ATE1: variants seen among roughly 807,000 people sequenced by gnomAD.
The protein encoded by ATE1 is arginyl-tRNA--protein transferase 1.
A neutral mutation model predicts 70.5 loss-of-function variants in ATE1; 36 were observed. That is an observed-to-expected ratio of 0.51 (90% CI 0.39 to 0.67). The LOEUF (loss-of-function observed/expected upper bound fraction) is 0.67, where lower values mean the gene tolerates loss of function less well. Among genes scored for constraint, ATE1 ranks in the 30% least tolerant of loss-of-function variants. The probability of loss-of-function intolerance (pLI) is 0.00; values close to 1 mark genes in which losing one functional copy is unlikely to be tolerated. For missense variants in ATE1, 593 were observed against 629.5 expected, an observed-to-expected ratio of 0.94 and a Z score of 0.62; for synonymous variants, 232 against 219.3, an observed-to-expected ratio of 1.06 and a Z score of -0.51.
chr10:121,787,889 A>G (rs1249584239), intron 11 of ATE1, among the ~76,000 whole-genome samples: 1 of 152,218 alleles, frequency 6.6e-6, no homozygotes, highest in Non-Finnish European at 1.5e-5. Context: ...TAAAAGGAGA[A>G]TTTGTTTAGT....
rs571133175 is a variant in ATE1, at chr10:121,908,623, T to C, written c.583+2283A>G. On this transcript the variant is annotated intron_variant, in intron 5 of 11. Coordinates refer to ENST00000224652, the MANE Select transcript of ATE1 (RefSeq NM_001001976.3). ...GGAAACGAAGAAATGATAGAGTATCTAATACATGAATTTAAGCATGGAACA... is the reference window on the plus strand; with the variant it reads ...GGAAACGAAGAAATGATAGAGTATCCAATACATGAATTTAAGCATGGAACA... Among the ~76,000 whole-genome samples, 13 of 152,300 alleles carry C rather than the reference T, an allele frequency of 8.5e-5. 1 individual carries two copies. The highest frequency in any genetic ancestry group is 3.1e-4 in the African/African-American group (13 of 41,556).
intron 6 of ATE1, among the ~76,000 whole-genome samples, chr10:121,902,169 T>C (rs1273284436): frequency 2.0e-5 from 3 of 152,182 alleles, no homozygotes; most frequent in East Asian, 1.9e-4. Flanking sequence ...TGGCCAACTA[T>C]GTATTCTCAA....
At chr10:121,900,142 T>A in intron 6 of ATE1, 148 bp from the exon 7 acceptor site, 2 of 861,118 alleles carry the variant, frequency 2.3e-6, no homozygotes, top group Non-Finnish European at 3.4e-6. Flanking sequence ...ACCAACCAGT[T>A]AGTAAATAAA....
At chr10:121,855,409 A>G (rs1949210471) in intron 8 of ATE1, among the ~76,000 whole-genome samples, 1 of 152,190 alleles carries the variant, frequency 6.6e-6, no homozygotes. Context: ...CTGGTTTGTT[A>G]GTCCTTTTGT....
At chr10:121,919,671 T>G (rs1015413274) in intron 3 of ATE1, among the ~76,000 whole-genome samples, 6 of 151,240 alleles carry the variant, frequency 4.0e-5, no homozygotes. Context: ...ATCCCAGCAC[T>G]TTGAGGTGGG....
intron 10 of ATE1, among the ~76,000 whole-genome samples, chr10:121,832,161 C>A (rs1204640875): frequency 3.3e-5 from 5 of 152,200 alleles, no homozygotes; most frequent in African/African-American, 1.2e-4. Flanking sequence ...TTTCTGATCT[C>A]TGTGGCCTAG....
rs147245075 is a variant in ATE1, at chr10:121,872,682, T to C, written c.943-2644A>G. ...CAATTGAAAGCAGAAATAGATTCCT[T>C]AACAAACACTATCATGATGTCTGAT... On this transcript the variant is annotated intron_variant, in intron 7 of 11. Transcript: ENST00000224652. 7.1e-3 allele frequency among the ~76,000 whole-genome samples: 1,077 copies of C among 152,074 alleles called. 25 individuals carry two copies. The highest frequency in any genetic ancestry group is 0.025 in the African/African-American group (1,019 of 41,518).
intron 3 of ATE1, among the ~76,000 whole-genome samples, chr10:121,917,416 G>A (rs1002000667): frequency 6.6e-6 from 1 of 152,100 alleles, no homozygotes; most frequent in Non-Finnish European, 1.5e-5. Flanking sequence ...GCAAAAACTT[G>A]TGCAGGAAAA....
intron 11 of ATE1, among the ~76,000 whole-genome samples, chr10:121,755,077 C>T (rs758636113): frequency 5.3e-5 from 8 of 152,082 alleles, no homozygotes; most frequent in African/African-American, 2.4e-5. Flanking sequence ...AAAGACACAA[C>T]AATAAATGTA....
chr10:121,922,361 T>A lies in ATE1; in HGVS notation c.221A>T (p.Gln74Leu), dbSNP rs1234353683. 6.3e-7 allele frequency: 1 copy of A among 1,595,484 alleles called. No individual in the cohort carries two copies. The highest frequency in any genetic ancestry group is 1.1e-5 in the South Asian group (1 of 89,888). Residue 74 changes from glutamine (Q) to leucine (L), a missense_variant, in exon 3 of 12, where the codon CAG (glutamine) becomes CTG (leucine). Physicochemically the swap from Gln to Leu is moderately radical, Grantham distance 113 (BLOSUM62 -2). Transcript: ENST00000224652. ...KPVMNQTCCP[Q>L]YTIRCRPLQF... ...TTAAAATTCTTACCTTATTGTGTAC[T>A]GAGGACAACATGTTTGATTCATGAC...
chr10:121,827,477 C>T (rs985690460), intron 10 of ATE1, among the ~76,000 whole-genome samples: 7 of 152,166 alleles, frequency 4.6e-5, no homozygotes, highest in Admixed American at 6.5e-5. Context: ...AACCACACTA[C>T]CCCTCCCGCT....
chr10:121,759,371 G>A (rs973259693), intron 11 of ATE1, among the ~76,000 whole-genome samples: 9 of 152,172 alleles, frequency 5.9e-5, no homozygotes, highest in South Asian at 2.1e-4. Flanking sequence ...AAGAAAAGGC[G>A]GAAGCTAGGA....
chr10:121,759,122 T>C (rs981320468), intron 11 of ATE1, among the ~76,000 whole-genome samples: 1 of 152,246 alleles, frequency 6.6e-6, no homozygotes, highest in African/African-American at 2.4e-5. Flanking sequence ...TGATGGCTCT[T>C]GTGCCAAACG....
intron 8 of ATE1, among the ~76,000 whole-genome samples, chr10:121,853,549 T>G (rs1949136129): frequency 6.6e-6 from 1 of 152,012 alleles, no homozygotes; most frequent in African/African-American, 2.4e-5. Flanking sequence ...TGAAAATATT[T>G]CAAAATCTGA....
intron 7 of ATE1, among the ~76,000 whole-genome samples, chr10:121,881,254 C>A (rs1315270494): frequency 6.6e-6 from 1 of 152,166 alleles, no homozygotes; most frequent in Non-Finnish European, 1.5e-5. Flanking sequence ...TGGGCTTCTA[C>A]TCCATTCCAG....
chr10:121,897,235 TAGG>T (rs1198987104), intron 7 of ATE1, among the ~76,000 whole-genome samples: 1 of 152,198 alleles, frequency 6.6e-6, no homozygotes, highest in Non-Finnish European at 1.5e-5. Context: ...TGAAGCCTAC[TAGG>T]AGAAGCTCCT....
intron 7 of ATE1, among the ~76,000 whole-genome samples, chr10:121,886,128 CA>C (rs1367627008): frequency 6.6e-6 from 1 of 152,060 alleles, no homozygotes; most frequent in Non-Finnish European, 1.5e-5. Context: ...CAGATTTTCA[CA>C]TAAGTGATAC....
intron 5 of ATE1, 37 bp from the exon 6 acceptor site, chr10:121,902,657 T>C: frequency 1.3e-6 from 2 of 1,544,310 alleles, no homozygotes; most frequent in Non-Finnish European, 1.7e-6. Context: ...CAATCACATT[T>C]GGTTCTAGAA....
Position 121,909,080 on chromosome 10 carries a change from C to T in ATE1, c.583+1826G>A, listed in dbSNP as rs1375139868. On this transcript the variant is annotated intron_variant, in intron 5 of 11. Coordinates refer to ENST00000224652, the MANE Select transcript of ATE1 (RefSeq NM_001001976.3). ...CTCAGCTCACTGCAGCCTCGACTTC[C>T]CAAGCTCAGGTGATCCTCCCACCTC... Among the ~76,000 whole-genome samples, 5 of 152,288 alleles carry T rather than the reference C, an allele frequency of 3.3e-5. No homozygotes were observed. In the East Asian group the frequency reaches 9.6e-4, roughly 29 times the overall value.
Sources: gnomAD v4.1 joint callset for allele counts (sites outside exome capture counted in the v4.1 genomes callset) on GRCh38, gnomAD v4.1.1 for gene constraint, MANE v1.5 for transcripts, NCBI Gene and HGNC (gene_info 2026-07-23, HGNC 2026-07-21) for gene names.